Variants in MAP3K15 observed in about 807,000 individuals in gnomAD.
MAP3K15 encodes mitogen-activated protein kinase kinase kinase 15.
In MAP3K15, 124 loss-of-function variants were observed where a neutral mutation model predicts 99.5. The ratio of observed to expected loss-of-function variants is 1.25; its 90% CI spans 1.08 to 1.45. MAP3K15 has a LOEUF of 1.45. Among genes scored for constraint, MAP3K15 ranks in the 40% most tolerant of loss-of-function variants. The probability of loss-of-function intolerance (pLI) is 0.00; values close to 1 mark genes in which losing one functional copy is unlikely to be tolerated. For missense variants in MAP3K15, 1,242 were observed against 1,079.7 expected (o/e 1.15, Z -2.11); for synonymous variants, 494 against 439.6 (o/e 1.12, Z -1.55).
chrX:19,377,939 C>A (rs1313217187), intron 19 of MAP3K15, among the ~76,000 whole-genome samples: 1 of 112,233 alleles, frequency 8.9e-6, no homozygotes, highest in Non-Finnish European at 1.9e-5. Context: ...ACCCAAGCAG[C>A]TGATAGGAGG....
At chrX:19,455,743 C>T (rs925404470) in intron 6 of MAP3K15, among the ~76,000 whole-genome samples, 6 of 109,361 alleles carry the variant, frequency 5.5e-5, no homozygotes, top group Non-Finnish European at 9.5e-5. Context: ...TGTCTGACAA[C>T]GGTTACCTCT....
chrX:19,383,045 G>T (rs1431560614), intron 18 of MAP3K15, among the ~76,000 whole-genome samples: 4 of 111,154 alleles, frequency 3.6e-5, no homozygotes, highest in East Asian at 5.6e-4. Flanking sequence ...GTCGGCCCCA[G>T]TCTCCCGCTG....
In MAP3K15 at chrX:19,380,240, T is replaced by A. The variant is rs1008173567; in HGVS notation, c.2469A>T (p.Gln823His). The A allele has an allele frequency of 2.5e-6, 3 of 1,205,346 alleles. No homozygotes were observed. Among genetic ancestry groups the A allele is most frequent in the Admixed American group, 4.4e-5 (2 of 45,033 alleles). ...LQYMAPEIID[Q>H]GPRGYGAPAD... The stretch of plus-strand genomic sequence containing the variant: ...CTGGGGCACCATATCCGCGAGGCCC[T>A]TGGTCAATTATCTCAGGTGCCATGT... The change falls in exon 19 of 29, where the codon CAA (glutamine) becomes CAT (histidine). Residue 823 changes from glutamine to histidine, a missense_variant. Physicochemically the swap from Gln to His is conservative, Grantham distance 24 (BLOSUM62 0). Transcript: ENST00000338883.
At chrX:19,403,512 G>A (rs1294987208) in intron 13 of MAP3K15, among the ~76,000 whole-genome samples, 1 of 98,071 alleles carries the variant, frequency 1.0e-5, no homozygotes, top group Non-Finnish European at 2.0e-5. Flanking sequence ...AGGCTGGAGT[G>A]CAGTGGCATG....
intron 25 of MAP3K15, among the ~76,000 whole-genome samples, chrX:19,366,249 GTCC>G (rs2063334220): frequency 9.0e-6 from 1 of 110,864 alleles, no homozygotes; most frequent in Non-Finnish European, 1.9e-5. Flanking sequence ...CTCTCTAGTA[GTCC>G]TCCTTTTACG....
intron 19 of MAP3K15, 30 bp downstream of exon 19, chrX:19,380,090 G>T: frequency 8.7e-7 from 1 of 1,155,061 alleles, no homozygotes; most frequent in Non-Finnish European, 1.2e-6. Context: ...TCCCAACCAC[G>T]CCCAACCTCA....
intron 12 of MAP3K15, among the ~76,000 whole-genome samples, chrX:19,409,110 A>C (rs1010640198): frequency 1.8e-5 from 2 of 111,285 alleles, no homozygotes; most frequent in Non-Finnish European, 3.8e-5. Flanking sequence ...CCTCCTTTTA[A>C]GTGATGTTGA....
At position 19,371,526 on chromosome X, in the gene MAP3K15, G is replaced by C; in HGVS notation, c.3113C>G (p.Ser1038Cys). Residue 1038 changes from serine to cysteine, a missense_variant, in exon 23 of 29, where the codon TCC (serine) becomes TGC (cysteine). Transcript: ENST00000338883. ...TCCAACTGAGAGATGCAACTCTTCG[G>C]AACTCTGAAAACACACACAAATCAT... ...SNLQECVAQS[S>C]EELHLSVGHI... 1 of 1,196,983 alleles carries C rather than the reference G, an allele frequency of 8.4e-7. No individual in the cohort carries two copies. The highest frequency in any genetic ancestry group is 1.1e-6 in the Non-Finnish European group (1 of 884,028).
intron 5 of MAP3K15, among the ~76,000 whole-genome samples, chrX:19,457,550 T>G (rs12009387): frequency 9.0e-6 from 1 of 111,273 alleles, no homozygotes; most frequent in African/African-American, 3.3e-5. Context: ...AGGCGGAGGT[T>G]GCAGTGAGCC....
chrX:19,469,776 T>C (rs1355267758), intron 3 of MAP3K15, among the ~76,000 whole-genome samples: 13 of 111,385 alleles, frequency 1.2e-4, no homozygotes, highest in African/African-American at 3.6e-4. Flanking sequence ...AAGACATTTA[T>C]GCAGCCAAAA....
chrX:19,408,409 T>C lies in MAP3K15; in HGVS notation c.1749-1126A>G, dbSNP rs184488462. On this transcript the variant is annotated intron_variant, in intron 12 of 28. Coordinates refer to ENST00000338883, the MANE Select transcript of MAP3K15 (RefSeq NM_001001671.4). ...GGCTCATGCCTGTAATCCTAGCATTTTGGGAGGCTGACGCGGGCGGATCAC... is the reference window on the plus strand; with the variant it reads ...GGCTCATGCCTGTAATCCTAGCATTCTGGGAGGCTGACGCGGGCGGATCAC... The C allele has an allele frequency of 7.0e-3, 817 of 115,894 alleles. 5 individuals carry two copies. Among genetic ancestry groups the C allele is most frequent in the Middle Eastern group, 0.021 (5 of 235 alleles). 9.6% of individuals were successfully genotyped at this position (115,894 alleles called of 1,213,427 possible).
At chrX:19,390,182 T>C (rs1218427136) in intron 18 of MAP3K15, among the ~76,000 whole-genome samples, 1 of 111,357 alleles carries the variant, frequency 9.0e-6, no homozygotes, top group African/African-American at 3.3e-5. Context: ...TGACACATTA[T>C]TTACCAAAAA....
rs143992275 is a variant in MAP3K15, at chrX:19,373,604, G to A, written c.2865C>T (p.Ser955=). 1,497 of 1,187,290 alleles carry A rather than the reference G, an allele frequency of 1.3e-3. 2 individuals carry two copies. Among genetic ancestry groups the A allele is most frequent in the Non-Finnish European group, 1.3e-3 (1,193 of 884,912 alleles). ...SSEHGSVSPD[S]DAQPDALFER... is the part of the protein sequence containing the mutation. ...CAAAGAGTGCGTCAGGCTGGGCGTCGGAGTCTGGGGAGACAGAGCCGTGCT... is the reference window on the plus strand; with the variant it reads ...CAAAGAGTGCGTCAGGCTGGGCGTCAGAGTCTGGGGAGACAGAGCCGTGCT... Residue 955 remains serine, a synonymous_variant, in exon 21 of 29, where the codon TCC becomes TCT. Coordinates refer to ENST00000338883, the MANE Select transcript of MAP3K15 (RefSeq NM_001001671.4).
chrX:19,369,014 C>T (rs112552306), intron 25 of MAP3K15, 40 bp downstream of exon 25: 1 of 1,143,351 alleles, frequency 8.7e-7, no homozygotes, highest in Admixed American at 2.7e-5. Context: ...GGCCACTGTC[C>T]CAGCGCCTGC....
At chrX:19,433,896 G>A (rs1009298748) in intron 6 of MAP3K15, among the ~76,000 whole-genome samples, 3 of 111,049 alleles carry the variant, frequency 2.7e-5, no homozygotes, top group Admixed American at 9.7e-5. Flanking sequence ...GTCCATTAAC[G>A]GAAGAACAGC....
intron 3 of MAP3K15, 52 bp downstream of exon 3, chrX:19,486,430 T>C: frequency 1.7e-6 from 1 of 577,565 alleles, no homozygotes. Context: ...TTTTACAAAT[T>C]GACATTTACA....
At chrX:19,494,067 G>A (rs760385024) in intron 1 of MAP3K15, among the ~76,000 whole-genome samples, 10 of 110,458 alleles carry the variant, frequency 9.1e-5, no homozygotes, top group Non-Finnish European at 1.7e-4. Context: ...ACTGACGCAG[G>A]CCAGCTTCAG....
At chrX:19,440,822 C>G (rs943234530) in intron 6 of MAP3K15, among the ~76,000 whole-genome samples, 2 of 112,645 alleles carry the variant, frequency 1.8e-5, no homozygotes, top group Non-Finnish European at 3.7e-5. Context: ...GCAGCATCAC[C>G]AAGCCCCATT....
Position 19,413,362 on chromosome X carries a change from C to G in MAP3K15, c.1693G>C (p.Glu565Gln). Residue 565 changes from glutamate (E) to glutamine (Q), a missense_variant, in exon 11 of 29, where the codon GAA becomes CAA. By Grantham distance (29) the Glu-to-Gln change is conservative. Coordinates refer to ENST00000338883, the MANE Select transcript of MAP3K15 (RefSeq NM_001001671.4). Reference protein sequence around the residue: ...TVSLWHVSPTEMKQMHEWNFT... With the variant: ...TVSLWHVSPTQMKQMHEWNFT... ...TTGTGATTTTTCCTCCTTACCATTTCTGTGGGTGAGACATGCCATAAAGAA... is the reference window on the plus strand; with the variant it reads ...TTGTGATTTTTCCTCCTTACCATTTGTGTGGGTGAGACATGCCATAAAGAA... The G allele has an allele frequency of 5.9e-6, 7 of 1,191,725 alleles. No individual in the cohort carries two copies. The highest frequency in any genetic ancestry group is 8.0e-6 in the Non-Finnish European group (7 of 880,308).
Sources: allele counts gnomAD v4.1 joint callset (sites outside exome capture counted in the v4.1 genomes callset), GRCh38; gene constraint gnomAD v4.1.1; transcripts MANE v1.5; gene names NCBI Gene and HGNC (gene_info 2026-07-23, HGNC 2026-07-21).